DLG2: variants seen among roughly 807,000 people sequenced by gnomAD.
DLG2 encodes the protein disks large homolog 2.
Under a neutral mutation model 132.5 loss-of-function variants are expected in DLG2, and 45 were observed. The ratio of observed to expected loss-of-function variants is 0.34; its 90% confidence interval spans 0.27 to 0.44. The LOEUF (loss-of-function observed/expected upper bound fraction) is 0.44, where lower values mean the gene tolerates loss of function less well. Ranked by LOEUF, DLG2 falls within the 20% of genes least tolerant of loss-of-function variation. The probability of loss-of-function intolerance (pLI) is 1.00; values close to 1 mark genes in which losing one functional copy is unlikely to be tolerated. For synonymous variants in DLG2, 424 were observed against 419.6 expected (o/e 1.01, Z -0.13); for missense variants, 1,045 against 1,196.9 (o/e 0.87, Z 1.87).
At chr11:84,135,737 G>A (rs908560052) in intron 9 of DLG2, among the ~76,000 whole-genome samples, 58 of 152,196 alleles carry the variant, frequency 3.8e-4, no homozygotes, top group African/African-American at 1.4e-3. Context: ...GTGAGAGGTC[G>A]AACATGTAAG....
intron 7 of DLG2, among the ~76,000 whole-genome samples, chr11:84,500,524 C>G (rs1366779737): frequency 6.6e-6 from 1 of 152,212 alleles, no homozygotes. Flanking sequence ...TAACATCTAT[C>G]TATTCAGAGC....
At chr11:83,734,100 C>T (rs1052432344) in intron 18 of DLG2, among the ~76,000 whole-genome samples, 1 of 152,070 alleles carries the variant, frequency 6.6e-6, no homozygotes, top group Non-Finnish European at 1.5e-5. Context: ...TGATTTCATT[C>T]TTTTTTGGCT....
chr11:83,834,947 G>A (rs1391112394), intron 16 of DLG2, among the ~76,000 whole-genome samples: 2 of 152,262 alleles, frequency 1.3e-5, no homozygotes, highest in South Asian at 2.1e-4. Flanking sequence ...GTAAGAATGA[G>A]AAAGAGCCAT....
intron 6 of DLG2, among the ~76,000 whole-genome samples, chr11:84,996,523 T>C (rs540830463): frequency 3.9e-5 from 6 of 152,310 alleles, no homozygotes; most frequent in African/African-American, 1.4e-4. Context: ...CTGTAGAGGC[T>C]ATGTTTACTT....
At chr11:85,114,998 C>G (rs2073360856) in intron 5 of DLG2, among the ~76,000 whole-genome samples, 1 of 151,846 alleles carries the variant, frequency 6.6e-6, no homozygotes, top group African/African-American at 2.4e-5. Context: ...ATTAAAATAG[C>G]ATGTTCTTTT....
chr11:83,739,482 T>C (rs1046623375), intron 18 of DLG2, among the ~76,000 whole-genome samples: 2 of 150,698 alleles, frequency 1.3e-5, no homozygotes, highest in Non-Finnish European at 1.5e-5. Context: ...ACTTCTGTGA[T>C]ATTAATCAGT....
chr11:85,430,397 T>C (rs1478118096), intron 3 of DLG2, among the ~76,000 whole-genome samples: 4 of 151,824 alleles, frequency 2.6e-5, no homozygotes, highest in Non-Finnish European at 4.4e-5. Flanking sequence ...GATTGAAATG[T>C]TAATTGTGGT....
intron 6 of DLG2, among the ~76,000 whole-genome samples, chr11:84,692,423 C>T (rs530915494): frequency 6.6e-6 from 1 of 151,604 alleles, no homozygotes; most frequent in Admixed American, 6.6e-5. Flanking sequence ...CTATCCACTT[C>T]GTTGCCTATA....
intron 9 of DLG2, among the ~76,000 whole-genome samples, chr11:84,162,160 T>C (rs2095560362): frequency 6.6e-6 from 1 of 152,140 alleles, no homozygotes; most frequent in Non-Finnish European, 1.5e-5. Context: ...TTATTTCTTA[T>C]ACTAAATGTG....
intron 17 of DLG2, among the ~76,000 whole-genome samples, chr11:83,832,162 T>C (rs2054723408): frequency 6.6e-6 from 1 of 152,208 alleles, no homozygotes; most frequent in Non-Finnish European, 1.5e-5. Flanking sequence ...AAGTCAGAGG[T>C]CCATTGAACA....
chr11:85,407,377 CT>C (rs1309881136), intron 3 of DLG2, among the ~76,000 whole-genome samples: 1 of 151,772 alleles, frequency 6.6e-6, no homozygotes, highest in Non-Finnish European at 1.5e-5. Flanking sequence ...ATGGTTAAAA[CT>C]TAGGCTCTGG....
At chr11:84,719,552 G>A (rs774576013) in intron 6 of DLG2, among the ~76,000 whole-genome samples, 16 of 152,142 alleles carry the variant, frequency 1.1e-4, no homozygotes, top group African/African-American at 1.7e-4. Flanking sequence ...CAAGGAGTGC[G>A]TCGTCAGGTC....
At chr11:85,137,579 A>G (rs984261074) in intron 5 of DLG2, among the ~76,000 whole-genome samples, 1 of 152,138 alleles carries the variant, frequency 6.6e-6, no homozygotes, top group African/African-American at 2.4e-5. Context: ...GATGAACTAT[A>G]AACAACCTGT....
At chr11:83,804,518 T>G (rs1020219148) in intron 17 of DLG2, among the ~76,000 whole-genome samples, 11 of 150,536 alleles carry the variant, frequency 7.3e-5, no homozygotes, top group African/African-American at 2.7e-4. Flanking sequence ...TTGGTACATT[T>G]GTTCTCCCTC....
intron 4 of DLG2, among the ~76,000 whole-genome samples, chr11:85,155,733 G>T (rs2077543296): frequency 6.6e-6 from 1 of 152,000 alleles, no homozygotes; most frequent in Non-Finnish European, 1.5e-5. Flanking sequence ...AGCCAGGTGT[G>T]GTGGCATGCG....
At chr11:83,594,121 T>C (rs1326826062) in intron 19 of DLG2, among the ~76,000 whole-genome samples, 1 of 152,256 alleles carries the variant, frequency 6.6e-6, no homozygotes, top group Non-Finnish European at 1.5e-5. Flanking sequence ...CTGTATTTCC[T>C]GGACCCTTTA....
chr11:85,480,941 C>G (rs1876872), intron 3 of DLG2, among the ~76,000 whole-genome samples: 23,747 of 152,174 alleles, frequency 0.16, 2,767 homozygotes, highest in African/African-American at 0.33. Context: ...TGGTGTAGCA[C>G]AAAGAGACTA....
At chr11:83,615,740 A>T (rs1239224147) in intron 19 of DLG2, among the ~76,000 whole-genome samples, 1 of 152,244 alleles carries the variant, frequency 6.6e-6, no homozygotes, top group Non-Finnish European at 1.5e-5. Context: ...GGAATGCAGC[A>T]GCCTCTAGAA....
intron 6 of DLG2, among the ~76,000 whole-genome samples, chr11:84,660,718 C>T (rs1038365421): frequency 4.6e-5 from 7 of 152,150 alleles, no homozygotes; most frequent in African/African-American, 1.7e-4. Context: ...GCCATTTCAT[C>T]AGCAGTGTTG....
Sources: allele counts gnomAD v4.1 joint callset (sites outside exome capture counted in the v4.1 genomes callset), GRCh38; gene constraint gnomAD v4.1.1; transcripts MANE v1.5; gene names NCBI Gene and HGNC (gene_info 2026-07-23, HGNC 2026-07-21).